The following KCNC4 variants were observed in gnomAD, a reference collection of about 807,000 sequenced individuals.
KCNC4 encodes the protein voltage-gated potassium channel KCNC4.
In KCNC4, 23 loss-of-function variants were observed where a neutral mutation model predicts 42.8. The observed-to-expected ratio is 0.54, with a 90% CI of 0.39 to 0.76. The LOEUF is 0.76. Ranked by LOEUF, KCNC4 falls within the 30% of genes least tolerant of loss-of-function variation. The pLI is 0.00. For synonymous variants in KCNC4, 422 were observed against 393.5 expected (o/e 1.07, Z -0.86); for missense variants, 751 against 898.2 (o/e 0.84, Z 2.10).
intron 1 of KCNC4, among the ~76,000 whole-genome samples, chr1:110,216,978 C>T (rs1657827199): frequency 6.6e-6 from 1 of 152,180 alleles, no homozygotes; most frequent in Non-Finnish European, 1.5e-5. Flanking sequence ...CTGACAGGCT[C>T]ATCAGGACCA....
chr1:110,238,614 T>C (rs1050176183), downstream of KCNC4: 1 of 152,168 alleles, frequency 6.6e-6, no homozygotes, highest in Non-Finnish European at 1.5e-5. Context: ...CCCCATGCAC[T>C]CCCTGCTCAC....
intron 1 of KCNC4, among the ~76,000 whole-genome samples, chr1:110,271,507 T>A (rs4839282): frequency 0.56 from 84,459 of 151,986 alleles, 23,723 homozygotes; most frequent in Admixed American, 0.62. Context: ...AAAAGCTAAG[T>A]ATGGGAAGCA....
At chr1:110,267,315 A>G (rs1478616575) in intron 1 of KCNC4, among the ~76,000 whole-genome samples, 1 of 152,180 alleles carries the variant, frequency 6.6e-6, no homozygotes, top group East Asian at 1.9e-4. Flanking sequence ...GTTGCTGTCT[A>G]GGGGTTTTCT....
chr1:110,232,347 AGCCTTCTT>A, intron 3 of KCNC4: 1 of 1,601,750 alleles, frequency 6.2e-7, no homozygotes, highest in Non-Finnish European at 8.5e-7. Context: ...CATACTCAGG[AGCCTTCTT>A]CACCAGCTCC....
intron 1 of KCNC4, among the ~76,000 whole-genome samples, chr1:110,276,680 G>A (rs1659732279): frequency 6.6e-6 from 1 of 152,110 alleles, no homozygotes; most frequent in Admixed American, 6.6e-5. Flanking sequence ...TCTCTTAGGA[G>A]GCTCATTGGC....
chr1:110,276,880 T>A (rs1659736463), intron 1 of KCNC4, among the ~76,000 whole-genome samples: 1 of 152,128 alleles, frequency 6.6e-6, no homozygotes, highest in Non-Finnish European at 1.5e-5. Context: ...AGGGGAAGAC[T>A]GCAAAAGTGA....
intron 3 of KCNC4, among the ~76,000 whole-genome samples, chr1:110,228,134 C>T (rs772960547): frequency 6.6e-6 from 1 of 152,192 alleles, no homozygotes; most frequent in East Asian, 1.9e-4. Flanking sequence ...CGCACTTCTC[C>T]ACACTCAGGT....
Position 110,223,302 on chromosome 1 carries a change from C to T in KCNC4, c.1017C>T (p.Ala339=), listed in dbSNP as rs1258405560. 3.1e-6 allele frequency: 5 copies of T among 1,614,038 alleles called. No individual in the cohort carries two copies. In the South Asian group the frequency reaches 5.5e-5, roughly 18 times the overall value. The stretch of plus-strand genomic sequence containing the variant: ...TGAGCGGCCTGTCATCCAAGGCGGC[C>T]CGCGACGTGCTGGGCTTCCTGCGCG... ...VGLSGLSSKA[A]RDVLGFLRVV... The change falls in exon 2 of 4, where the codon GCC becomes GCT. Residue 339 remains alanine, a synonymous_variant. Coordinates refer to ENST00000438661, the MANE Select transcript of KCNC4 (RefSeq NM_001039574.3). The surrounding 1 kb of genome is among the most constrained non-coding windows in gnomAD (Gnocchi z 7.5).
chr1:110,223,884 C>A lies in KCNC4; in HGVS notation c.1599C>A (p.Ile533=). Reference sequence around the variant, plus strand: ...CCCCTGCCCGGGAAGAGGGTATGATCGAGAGGAAACGGGCAGGTGAGATTA... The same window carrying A: ...CCCCTGCCCGGGAAGAGGGTATGATAGAGAGGAAACGGGCAGGTGAGATTA... ...TSPPAREEGM[I]ERKRADSKQN... Residue 533 remains isoleucine (I), a synonymous_variant, in exon 2 of 4, where the codon ATC becomes ATA. Coordinates refer to ENST00000438661, the MANE Select transcript of KCNC4 (RefSeq NM_001039574.3). The surrounding 1 kb of genome is among the most constrained non-coding windows in gnomAD (Gnocchi z 7.5). 6.3e-6 allele frequency: 10 copies of A among 1,594,718 alleles called. No individual in the cohort carries two copies. Among genetic ancestry groups the A allele is most frequent in the South Asian group, 1.1e-5 (1 of 88,040 alleles).
chr1:110,257,501 G>A (rs1370414990), intron 1 of KCNC4, among the ~76,000 whole-genome samples: 1 of 151,832 alleles, frequency 6.6e-6, no homozygotes, highest in African/African-American at 2.4e-5. Context: ...GGATCACGAG[G>A]TCAGGAGATC....
intron 1 of KCNC4, among the ~76,000 whole-genome samples, chr1:110,219,137 A>G (rs191722019): frequency 8.5e-5 from 13 of 152,336 alleles, no homozygotes; most frequent in Admixed American, 6.5e-5. Context: ...CTTCATCTGT[A>G]AAACAGCAGA....
chr1:110,242,818 T>G (rs551450820), exon 4 of KCNC4: 1 of 152,256 alleles, frequency 6.6e-6, no homozygotes, highest in South Asian at 2.1e-4. Flanking sequence ...TGGAGAGTAA[T>G]TTGATGGAGA....
At chr1:110,225,196 GGCCCTATCAGCCTT>G (rs948247744) in intron 2 of KCNC4, 3 of 152,262 alleles carry the variant, frequency 2.0e-5, no homozygotes, top group Admixed American at 6.5e-5. Context: ...ACTTAACTGT[GGCCCTATCAGCCTT>G]GCCCTTAGCC....
At chr1:110,280,137 G>C (rs944538596) in intron 1 of KCNC4, among the ~76,000 whole-genome samples, 1 of 152,016 alleles carries the variant, frequency 6.6e-6, no homozygotes, top group Non-Finnish European at 1.5e-5. Flanking sequence ...TGTAAACATT[G>C]ACCCACTAGA....
chr1:110,225,884 G>A (rs1658358900), intron 2 of KCNC4, 91 bp from the exon 3 acceptor site: 6 of 1,244,072 alleles, frequency 4.8e-6, no homozygotes, highest in Non-Finnish European at 6.8e-6. Flanking sequence ...GGTTGAGGAA[G>A]TAACACTCTG....
intron 1 of KCNC4, among the ~76,000 whole-genome samples, chr1:110,281,084 G>A (rs1659814040): frequency 6.6e-6 from 1 of 152,134 alleles, no homozygotes; most frequent in African/African-American, 2.4e-5. Flanking sequence ...GTGGTGCGGG[G>A]GCTTCTGGAT....
intron 1 of KCNC4, chr1:110,272,657 A>T (rs1659653841): frequency 6.6e-6 from 1 of 152,024 alleles, no homozygotes; most frequent in Non-Finnish European, 1.5e-5. Context: ...CCATGATTGG[A>T]GGTGTGGGAA....
rs767282952 is a variant in KCNC4, at chr1:110,226,097, C to T, written c.1738C>T (p.Arg580Ter). The change falls in exon 3 of 4, where the codon CGA becomes TGA. Residue 580 changes from arginine to a stop codon, truncating the protein, a stop_gained. Transcript: ENST00000438661. LOFTEE classifies it high-confidence loss of function. The part of the protein sequence containing the change: ...ERRALRRSTT[R>*]DRNKKAAACF... The stretch of plus-strand genomic sequence containing the variant: ...CCGGGCCCTGCGACGCTCCACCACT[C>T]GAGACAGAAACAAGAAGGCAGCTGC... The T allele has an allele frequency of 1.4e-5, 23 of 1,614,014 alleles. No homozygotes were observed. Among genetic ancestry groups the T allele is most frequent in the Non-Finnish European group, 1.9e-5 (22 of 1,180,030 alleles).
At chr1:110,226,321 T>G (rs1354081321) in intron 3 of KCNC4, 143 bp downstream of exon 3, 1 of 690,300 alleles carries the variant, frequency 1.4e-6, no homozygotes, top group East Asian at 2.7e-5. Context: ...ACTTTTAGAA[T>G]GGGTACCTGA....
Sources: allele counts gnomAD v4.1 joint callset (sites outside exome capture counted in the v4.1 genomes callset), GRCh38; gene constraint gnomAD v4.1.1; non-coding constraint Gnocchi (gnomAD v3.1); transcripts MANE v1.5; gene names NCBI Gene and HGNC (gene_info 2026-07-23, HGNC 2026-07-21).